TYW1B: variants seen among roughly 807,000 people sequenced by gnomAD.
TYW1B encodes tRNA-yW synthesizing protein 1 homolog B, also known as S-adenosyl-L-methionine-dependent tRNA 4-demethylwyosine synthase TYW1B.
A neutral mutation model predicts 86.9 loss-of-function variants in TYW1B; 73 were observed. That is an observed-to-expected ratio of 0.84 (90% CI 0.70 to 1.02). The LOEUF is 1.02. Among genes scored for constraint, TYW1B ranks in the 50% least tolerant of loss-of-function variants. The probability of loss-of-function intolerance (pLI) is 0.00; values close to 1 mark genes in which losing one functional copy is unlikely to be tolerated. For synonymous variants in TYW1B, 248 were observed against 292.8 expected (o/e 0.85, Z 1.56); for missense variants, 637 against 827.4 (o/e 0.77, Z 2.82).
In TYW1B at chr7:72,701,438, A is replaced by G. The variant is rs139966733; in HGVS notation, c.1371-6616T>C. On this transcript the variant is annotated intron_variant, in intron 10 of 13. Coordinates refer to ENST00000620995, the MANE Select transcript of TYW1B (RefSeq NM_001145440.3). ...ACCAAAACACTTGGCTAATGTTTTAATTTTTTGTAGAGACAGGGTCTCACT... is the reference window on the plus strand; with the variant it reads ...ACCAAAACACTTGGCTAATGTTTTAGTTTTTTGTAGAGACAGGGTCTCACT... Among the ~76,000 whole-genome samples the G allele has an allele frequency of 6.9e-3, 1,053 of 152,086 alleles. 6 individuals are homozygous for G. Among genetic ancestry groups the G allele is most frequent in the African/African-American group, 0.024 (997 of 41,506 alleles).
intron 5 of TYW1B, among the ~76,000 whole-genome samples, chr7:72,804,739 C>G (rs1169034358): frequency 6.6e-6 from 1 of 152,060 alleles, no homozygotes; most frequent in Non-Finnish European, 1.5e-5. Context: ...ACTCAGGAGG[C>G]TGAGATAGGA....
chr7:72,750,056 G>C (rs1442864797), intron 7 of TYW1B, among the ~76,000 whole-genome samples: 4 of 151,496 alleles, frequency 2.6e-5, no homozygotes, highest in South Asian at 2.1e-4. Flanking sequence ...CACCTGGTGG[G>C]GGGGTGGGTA....
intron 11 of TYW1B, among the ~76,000 whole-genome samples, chr7:72,684,021 A>C (rs1318080082): frequency 6.6e-6 from 1 of 152,232 alleles, no homozygotes; most frequent in Non-Finnish European, 1.5e-5. Flanking sequence ...GAAACCTCTA[A>C]AACTGAAAAG....
intron 7 of TYW1B, among the ~76,000 whole-genome samples, chr7:72,770,296 G>T (rs1404959902): frequency 2.0e-5 from 3 of 151,510 alleles, no homozygotes; most frequent in Non-Finnish European, 4.4e-5. Context: ...GGGTGTGGTG[G>T]TGCGCGCCTG....
chr7:72,666,681 A>G (rs1436237720), intron 11 of TYW1B, among the ~76,000 whole-genome samples: 7 of 152,140 alleles, frequency 4.6e-5, no homozygotes, highest in African/African-American at 1.7e-4. Context: ...ATTTCACACT[A>G]TTTTAATTGG....
chr7:72,773,876 C>T (rs1554470067), intron 7 of TYW1B, among the ~76,000 whole-genome samples: 1 of 151,960 alleles, frequency 6.6e-6, no homozygotes, highest in Admixed American at 6.6e-5. Context: ...AACAGTCTGA[C>T]CAACATGGTG....
intron 7 of TYW1B, among the ~76,000 whole-genome samples, chr7:72,758,481 C>G (rs1787632358): frequency 6.6e-6 from 1 of 151,546 alleles, no homozygotes; most frequent in Non-Finnish European, 1.5e-5. Flanking sequence ...AAATTTTTCT[C>G]TCTCTGTTTG....
intron 13 of TYW1B, among the ~76,000 whole-genome samples, chr7:72,605,507 C>G (rs1811772650): frequency 6.6e-6 from 1 of 152,040 alleles, no homozygotes; most frequent in Non-Finnish European, 1.5e-5. Flanking sequence ...GCACGTGCCA[C>G]CACGCCTGGC....
chr7:72,812,874 T>C (rs187268326), intron 3 of TYW1B, among the ~76,000 whole-genome samples: 1 of 152,088 alleles, frequency 6.6e-6, no homozygotes, highest in African/African-American at 2.4e-5. Context: ...CTATTTTTAA[T>C]AGAGACAGGG....
At chr7:72,644,363 G>A (rs548211917) in intron 11 of TYW1B, among the ~76,000 whole-genome samples, 11 of 152,128 alleles carry the variant, frequency 7.2e-5, no homozygotes, top group Admixed American at 3.9e-4. Flanking sequence ...GCCTGGCCAA[G>A]ATGGTGAAGC....
chr7:72,811,283 AAAAG>A lies in TYW1B; in HGVS notation c.238-622_238-619del, dbSNP rs1274046230. On this transcript the variant is annotated intron_variant, in intron 3 of 13. Transcript: ENST00000620995. The stretch of plus-strand genomic sequence containing the variant: ...AAGACTCCATCTCAAAAAAAAAAAA[AAAAG>A]AAAGAAAGAAAAAAGAAAAAAGAAA... Among the ~76,000 whole-genome samples the A allele has an allele frequency of 3.1e-4, 33 of 104,904 alleles. No homozygotes were observed. In the East Asian group the frequency reaches 6.3e-3, roughly 20 times the overall value. The allele number at this position is 104,904 out of a possible 152,430, so 68.8% of individuals were successfully genotyped here. A position where few individuals can be genotyped will look rare whatever the true frequency, so the allele number is the denominator to read the frequency against.
At chr7:72,670,623 C>CA (rs1813577504) in intron 11 of TYW1B, among the ~76,000 whole-genome samples, 1 of 152,208 alleles carries the variant, frequency 6.6e-6, no homozygotes, top group South Asian at 2.1e-4. Context: ...CCCTGGGAGT[C>CA]AAACACTCGC....
intron 6 of TYW1B, among the ~76,000 whole-genome samples, chr7:72,783,811 A>G (rs1206914427): frequency 2.0e-5 from 3 of 152,224 alleles, no homozygotes; most frequent in Non-Finnish European, 4.4e-5. Flanking sequence ...TACAGAGACC[A>G]TGGTGAGTCA....
At chr7:72,594,578 TAA>T (rs1811482236) in intron 13 of TYW1B, among the ~76,000 whole-genome samples, 1 of 152,138 alleles carries the variant, frequency 6.6e-6, no homozygotes, top group Admixed American at 6.5e-5. Context: ...ACAAAACATT[TAA>T]AAGAGAACTA....
chr7:72,627,867 A>G (rs1554439153), intron 12 of TYW1B, among the ~76,000 whole-genome samples: 1 of 152,240 alleles, frequency 6.6e-6, no homozygotes, highest in African/African-American at 2.4e-5. Flanking sequence ...GGCATCAGCC[A>G]AGATGCATGA....
intron 9 of TYW1B, among the ~76,000 whole-genome samples, chr7:72,720,303 C>T (rs1329350235): frequency 1.3e-5 from 2 of 152,180 alleles, no homozygotes; most frequent in African/African-American, 4.8e-5. Flanking sequence ...TCCTACAACA[C>T]TCACAGTTCT....
chr7:72,575,632 T>C lies in TYW1B; in HGVS notation c.1873A>G (p.Lys625Glu), dbSNP rs1811003936. 6.2e-7 allele frequency: 1 copy of C among 1,613,730 alleles called. No homozygotes were observed. Residue 625 changes from lysine to glutamate, a missense_variant, in exon 14 of 14, where the codon AAA (lysine) becomes GAA (glutamate). Physicochemically the swap from Lys to Glu is moderately conservative, Grantham distance 56 (BLOSUM62 1). Transcript: ENST00000620995. ...ATATAATCCTTTGCGCTGAACGTTTTTGATCCACCACTATCTTCATATTCC... is the reference window on the plus strand; with the variant it reads ...ATATAATCCTTTGCGCTGAACGTTTCTGATCCACCACTATCTTCATATTCC... ...IQEYEDSGGS[K>E]TFSAKDYMAR...
At chr7:72,704,420 T>C (rs1471436130) in intron 10 of TYW1B, among the ~76,000 whole-genome samples, 1 of 117,034 alleles carries the variant, frequency 8.5e-6, no homozygotes, top group Non-Finnish European at 1.7e-5. Context: ...GGAGACAGAA[T>C]GAGATTCTAT....
rs564001950 is a variant in TYW1B, at chr7:72,593,320, T to C, written c.1786-17601A>G. On this transcript the variant is annotated intron_variant, in intron 13 of 13. Transcript: ENST00000620995. The stretch of plus-strand genomic sequence containing the variant: ...AAAAAAGAAAAAGAAAGAAAGAAAA[T>C]AAAGCACTTGAAGGGCACAATAAGC... Among the ~76,000 whole-genome samples, 79 of 144,274 alleles carry C rather than the reference T, an allele frequency of 5.5e-4. No individual in the cohort carries two copies. In the South Asian group the frequency reaches 0.016, roughly 30 times the overall value. 94.6% of individuals were successfully genotyped at this position (144,274 alleles called of 152,430 possible).
Sources: allele counts gnomAD v4.1 joint callset (sites outside exome capture counted in the v4.1 genomes callset), GRCh38; gene constraint gnomAD v4.1.1; transcripts MANE v1.5; gene names NCBI Gene and HGNC (gene_info 2026-07-23, HGNC 2026-07-21).